Variants in GTF2IRD1 observed in about 807,000 individuals in gnomAD.
GTF2IRD1 encodes GTF2I repeat domain containing 1.
Under a neutral mutation model 113.2 loss-of-function variants are expected in GTF2IRD1, and 26 were observed. The ratio of observed to expected loss-of-function variants is 0.23; its 90% CI spans 0.17 to 0.32. GTF2IRD1 has a LOEUF of 0.32. Among genes scored for constraint, GTF2IRD1 ranks in the 10% least tolerant of loss-of-function variants. The pLI is 1.00. For missense variants in GTF2IRD1, 864 were observed against 1,280.8 expected (o/e 0.67, Z 4.97); for synonymous variants, 484 against 529.1 (o/e 0.91, Z 1.17).
chr7:74,553,566 G>A (rs1583868843), intron 17 of GTF2IRD1, among the ~76,000 whole-genome samples: 1 of 152,206 alleles, frequency 6.6e-6, no homozygotes, highest in East Asian at 1.9e-4. Flanking sequence ...TGGGATTACA[G>A]GTTGAGCCAC....
chr7:74,571,791 T>C (rs1554362766), intron 22 of GTF2IRD1, among the ~76,000 whole-genome samples: 1 of 151,852 alleles, frequency 6.6e-6, no homozygotes, highest in African/African-American at 2.4e-5. Flanking sequence ...ACCCTGGGAG[T>C]TGGAGGCTGT....
rs556056078 is a variant in GTF2IRD1, at chr7:74,498,202, T to G, written c.-6-9873T>G. Among the ~76,000 whole-genome samples, 259 of 148,630 alleles carry G rather than the reference T, an allele frequency of 1.7e-3. 1 individual carries two copies. Among genetic ancestry groups the G allele is most frequent in the Non-Finnish European group, 3.2e-3 (213 of 67,110 alleles). Reference sequence around the variant, plus strand: ...ATTATTAATGGAGATGATGTCTCGCTCTGTTGCCCAGGCTGGTCTCGAGCT... The same window carrying G: ...ATTATTAATGGAGATGATGTCTCGCGCTGTTGCCCAGGCTGGTCTCGAGCT... On this transcript the variant is annotated intron_variant, in intron 1 of 26. Coordinates refer to ENST00000424337, the MANE Select transcript of GTF2IRD1 (RefSeq NM_005685.4).
chr7:74,549,707 G>A (rs1395957402), intron 17 of GTF2IRD1, among the ~76,000 whole-genome samples: 1 of 150,942 alleles, frequency 6.6e-6, no homozygotes, highest in Non-Finnish European at 1.5e-5. Flanking sequence ...GGAGGCTGAG[G>A]TGGGCAGATC....
intron 1 of GTF2IRD1, among the ~76,000 whole-genome samples, chr7:74,492,677 C>G (rs1378643059): frequency 6.6e-6 from 1 of 151,898 alleles, no homozygotes; most frequent in Admixed American, 6.6e-5. Context: ...AGAGAAATTT[C>G]TATTCTCACA....
At chr7:74,583,392 T>C (rs35236822) in intron 22 of GTF2IRD1, among the ~76,000 whole-genome samples, 1 of 127,690 alleles carries the variant, frequency 7.8e-6, no homozygotes, top group South Asian at 2.5e-4. Flanking sequence ...TTTTTTTTTG[T>C]GGAGACAGGG....
intron 14 of GTF2IRD1, among the ~76,000 whole-genome samples, chr7:74,540,213 C>G (rs1341592961): frequency 6.6e-6 from 1 of 152,194 alleles, no homozygotes; most frequent in Non-Finnish European, 1.5e-5. Context: ...GTGGCACGAT[C>G]TCGGCTCACC....
intron 1 of GTF2IRD1, among the ~76,000 whole-genome samples, chr7:74,457,749 A>G (rs1793079538): frequency 6.6e-6 from 1 of 152,060 alleles, no homozygotes; most frequent in African/African-American, 2.4e-5. Context: ...CCAGGGGTGT[A>G]TGCCCAGCTC....
chr7:74,555,430 G>T lies in GTF2IRD1; in HGVS notation c.1967-8G>T. 6.2e-7 allele frequency: 1 copy of T among 1,613,856 alleles called. No homozygotes were observed. Among genetic ancestry groups the T allele is most frequent in the South Asian group, 1.1e-5 (1 of 91,066 alleles). On this transcript the variant is annotated splice_polypyrimidine_tract_variant and splice_region_variant and intron_variant, in intron 18 of 26. Coordinates refer to ENST00000424337, the MANE Select transcript of GTF2IRD1 (RefSeq NM_005685.4). This position sits in a 1 kb window ranked among gnomAD's most constrained non-coding sequence, Gnocchi z 5.3. ...CACTTGGCTTCTCTCCCCCTGCCCT[G>T]CCCCCAGAGAGGGATTCCGGGGACC...
At chr7:74,587,002 G>T (rs1554368042) in intron 22 of GTF2IRD1, among the ~76,000 whole-genome samples, 2 of 152,094 alleles carry the variant, frequency 1.3e-5, no homozygotes, top group African/African-American at 2.4e-5. Context: ...AAAAAACTTA[G>T]TCTGGCATGG....
chr7:74,494,874 C>T (rs1554337503), intron 1 of GTF2IRD1, among the ~76,000 whole-genome samples: 2 of 152,188 alleles, frequency 1.3e-5, no homozygotes, highest in African/African-American at 4.8e-5. Flanking sequence ...GCCTCAGCCT[C>T]CCCAGTAGCT....
chr7:74,497,048 G>A (rs1554338281), intron 1 of GTF2IRD1, among the ~76,000 whole-genome samples: 1 of 152,036 alleles, frequency 6.6e-6, no homozygotes, highest in Non-Finnish European at 1.5e-5. Context: ...TGTAGTCCCA[G>A]CTGCTTGGAA....
chr7:74,559,374 G>A (rs1168922325), intron 21 of GTF2IRD1, among the ~76,000 whole-genome samples: 1 of 152,204 alleles, frequency 6.6e-6, no homozygotes, highest in Non-Finnish European at 1.5e-5. Context: ...CAAGGTCCCG[G>A]GGCCAGCCAG....
At chr7:74,467,523 T>TAA (rs1275659722) in intron 1 of GTF2IRD1, among the ~76,000 whole-genome samples, 1 of 151,238 alleles carries the variant, frequency 6.6e-6, no homozygotes, top group Admixed American at 6.6e-5. Flanking sequence ...GTTGTTGAGA[T>TAA]AGAGTCTTGC....
intron 15 of GTF2IRD1, 108 bp downstream of exon 15, chr7:74,544,910 A>C: frequency 1.2e-6 from 1 of 801,544 alleles, no homozygotes; most frequent in Non-Finnish European, 2.1e-6. Flanking sequence ...TCTCCACCTC[A>C]TCTCTCTCCA....
chr7:74,480,983 C>G (rs111840412), intron 1 of GTF2IRD1, among the ~76,000 whole-genome samples: 4,823 of 152,200 alleles, frequency 0.032, 112 homozygotes, highest in Middle Eastern at 0.055. Context: ...TCCCCCAGCC[C>G]CTCCAGGGAA....
intron 1 of GTF2IRD1, among the ~76,000 whole-genome samples, chr7:74,489,974 T>G (rs150374455): frequency 8.1e-4 from 123 of 151,842 alleles, no homozygotes; most frequent in South Asian, 4.2e-3. Context: ...CAGATTTTTT[T>G]TGTGTGTGTG....
intron 16 of GTF2IRD1, among the ~76,000 whole-genome samples, 160 bp from the exon 17 acceptor site, chr7:74,546,943 C>T (rs1798978638): frequency 6.6e-6 from 1 of 152,012 alleles, no homozygotes; most frequent in South Asian, 2.1e-4. Context: ...AGGTTCCTTT[C>T]CTGCAGGCTG....
intron 1 of GTF2IRD1, among the ~76,000 whole-genome samples, chr7:74,488,268 G>A (rs1050164345): frequency 3.3e-5 from 5 of 152,132 alleles, no homozygotes; most frequent in Admixed American, 6.6e-5. Context: ...TAGAGACAGA[G>A]TGAGACCCTG....
At chr7:74,477,553 C>T (rs868980481) in intron 1 of GTF2IRD1, among the ~76,000 whole-genome samples, 29 of 152,108 alleles carry the variant, frequency 1.9e-4, no homozygotes, top group Middle Eastern at 3.4e-3. Context: ...ATGGCAAGGC[C>T]CTCAGACAAC....
Sources: allele counts gnomAD v4.1 joint callset (sites outside exome capture counted in the v4.1 genomes callset), GRCh38; gene constraint gnomAD v4.1.1; non-coding constraint Gnocchi (gnomAD v3.1); transcripts MANE v1.5; gene names NCBI Gene and HGNC (gene_info 2026-07-23, HGNC 2026-07-21).